The following PDIK1L variants were observed in gnomAD, a reference collection of about 807,000 sequenced individuals.
PDIK1L encodes the protein PDLIM1 interacting kinase 1 like, also known as serine/threonine-protein kinase PDIK1L.
In PDIK1L, 9 loss-of-function variants were observed where a neutral mutation model predicts 27.1. The ratio of observed to expected loss-of-function variants is 0.33; its 90% CI spans 0.20 to 0.58. The LOEUF (loss-of-function observed/expected upper bound fraction) is 0.58. Ranked by LOEUF, PDIK1L falls within the 20% of genes least tolerant of loss-of-function variation. PDIK1L has a pLI of 0.86. For missense variants in PDIK1L, 216 were observed against 413.2 expected, an observed-to-expected ratio of 0.52 and a Z score of 4.14; for synonymous variants, 130 against 141.7, an observed-to-expected ratio of 0.92 and a Z score of 0.59.
At chr1:26,111,643 C>G (rs999265639), upstream of PDIK1L, among the ~76,000 whole-genome samples, 5 of 151,526 alleles carry the variant, frequency 3.3e-5, no homozygotes, top group African/African-American at 1.2e-4. This position sits in a 1 kb window ranked among gnomAD's most constrained non-coding sequence, Gnocchi z 4.0. Flanking sequence ...GCGCGCACAC[C>G]TCCGACGACT....
intron 2 of PDIK1L, among the ~76,000 whole-genome samples, chr1:26,118,123 A>G (rs530182493): frequency 2.0e-5 from 3 of 152,236 alleles, no homozygotes; most frequent in Non-Finnish European, 2.9e-5. Context: ...ACTAAGAGGC[A>G]TGATCTATTT....
At position 26,123,296 on chromosome 1, in the gene PDIK1L, T is replaced by C. The variant is rs1449658761; in HGVS notation, c.*719T>C. 6.6e-6 allele frequency: 1 copy of C among 151,616 alleles called. No individual in the cohort carries two copies. The highest frequency in any genetic ancestry group is 1.5e-5 in the Non-Finnish European group (1 of 67,894). 9.4% of individuals were successfully genotyped at this position (151,616 alleles called of 1,614,324 possible). On this transcript the variant is annotated 3_prime_UTR_variant, in exon 3 of 3. Coordinates refer to ENST00000374269, the MANE Select transcript of PDIK1L (RefSeq NM_152835.5). ...CAAAGCTGCTGAAGTATGTTTGAAC[T>C]CTCCAGTGCCCTATAGCTGCAAGAG...
intron 2 of PDIK1L, among the ~76,000 whole-genome samples, chr1:26,120,127 G>A (rs116220552): frequency 1.2e-3 from 185 of 152,302 alleles, no homozygotes; most frequent in African/African-American, 4.4e-3. Flanking sequence ...GTATGGTTTC[G>A]ATGCTAAAAA....
chr1:26,120,001 C>T (rs2087950685), intron 2 of PDIK1L, among the ~76,000 whole-genome samples: 1 of 152,168 alleles, frequency 6.6e-6, no homozygotes. Context: ...ACAGGGAAGC[C>T]ATTGAAGGGC....
chr1:26,113,699 A>G (rs1181202781), intron 1 of PDIK1L, among the ~76,000 whole-genome samples: 2 of 152,172 alleles, frequency 1.3e-5, no homozygotes, highest in Non-Finnish European at 2.9e-5. Context: ...AGCATAAGCC[A>G]GGTGTTTGTA....
chr1:26,121,042 C>T (rs1377640165), intron 2 of PDIK1L, among the ~76,000 whole-genome samples: 2 of 150,896 alleles, frequency 1.3e-5, no homozygotes, highest in East Asian at 3.9e-4. Flanking sequence ...AGTAAAGGAG[C>T]GTTATAACTA....
intron 1 of PDIK1L, chr1:26,112,734 G>A (rs889041303): frequency 2.0e-5 from 3 of 152,252 alleles, no homozygotes; most frequent in African/African-American, 7.2e-5. Context: ...TAGACTTAAA[G>A]CAGTGGATCC....
Position 26,114,387 on chromosome 1 carries a change from A to G in PDIK1L, c.79A>G (p.Ile27Val), listed in dbSNP as rs779744593. 1 of 1,614,122 alleles carries G rather than the reference A, an allele frequency of 6.2e-7. No homozygotes were observed. Among genetic ancestry groups the G allele is most frequent in the Non-Finnish European group, 8.5e-7 (1 of 1,180,016 alleles). The change falls in exon 2 of 3, where the codon ATC becomes GTC. Residue 27 changes from isoleucine to valine, a missense_variant. Ile to Val is a conservative substitution (Grantham distance 29, BLOSUM62 3). Transcript: ENST00000374269. The surrounding 1 kb of genome is among the most constrained non-coding windows in gnomAD (Gnocchi z 4.8). ...GSYGVVYEAV[I>V]RKTSARVAVK... ...TTACGGTGTTGTGTATGAAGCAGTCATCAGAAAGACCTCTGCACGGGTGGC... is the reference window on the plus strand; with the variant it reads ...TTACGGTGTTGTGTATGAAGCAGTCGTCAGAAAGACCTCTGCACGGGTGGC...
At chr1:26,120,117 G>A (rs752136389) in intron 2 of PDIK1L, among the ~76,000 whole-genome samples, 2 of 152,158 alleles carry the variant, frequency 1.3e-5, no homozygotes, top group African/African-American at 4.8e-5. Flanking sequence ...GCCTGTTTTC[G>A]TATGGTTTCG....
In PDIK1L at chr1:26,122,278, C is replaced by A; in HGVS notation, c.727C>A (p.Leu243Met). ...CACAGCAAAAGCTGACATCTTTGCT[C>A]TGGGGATTATCATCTGGGCAATGCT... ...HYTAKADIFALGIIIWAMLER... is the reference protein window; with the variant it reads ...HYTAKADIFAMGIIIWAMLER... Residue 243 changes from leucine (L) to methionine (M), a missense_variant, in exon 3 of 3, where the codon CTG becomes ATG. By Grantham distance (15) the Leu-to-Met change is conservative (BLOSUM62 2). Transcript: ENST00000374269. The surrounding 1 kb of genome is among the most constrained non-coding windows in gnomAD (Gnocchi z 5.4). 1 of 1,614,134 alleles carries A rather than the reference C, an allele frequency of 6.2e-7. No homozygotes were observed. Among genetic ancestry groups the A allele is most frequent in the South Asian group, 1.1e-5 (1 of 91,048 alleles).
At chr1:26,120,950 C>CA (rs11316360) in intron 2 of PDIK1L, among the ~76,000 whole-genome samples, 387 of 96,234 alleles carry the variant, frequency 4.0e-3, no homozygotes, top group African/African-American at 0.012. Flanking sequence ...GACTCCGTCT[C>CA]AAAAAAAAAA....
chr1:26,117,949 C>T (rs1032239053), intron 2 of PDIK1L, among the ~76,000 whole-genome samples: 2 of 151,312 alleles, frequency 1.3e-5, no homozygotes, highest in African/African-American at 4.9e-5. Flanking sequence ...GGTCCCATCT[C>T]CTTGGAAGGC....
intron 2 of PDIK1L, among the ~76,000 whole-genome samples, chr1:26,115,949 C>G (rs2087869198): frequency 6.6e-6 from 1 of 151,988 alleles, no homozygotes. Flanking sequence ...GCCTGTAATC[C>G]CAGCACTTTG....
Position 26,122,584 on chromosome 1 carries a change from TTA to T in PDIK1L, c.*9_*10del, listed in dbSNP as rs1463716620. 1 of 1,594,376 alleles carries T rather than the reference TTA, an allele frequency of 6.3e-7. No homozygotes were observed. On this transcript the variant is annotated 3_prime_UTR_variant, in exon 3 of 3. Transcript: ENST00000374269. This position sits in a 1 kb window ranked among gnomAD's most constrained non-coding sequence, Gnocchi z 5.4. Reference sequence around the variant, plus strand: ...TAGCAGCTGGGAAACGTGACACATATTATTTGCAAATACCATGGATGATATGC... The same window carrying T: ...TAGCAGCTGGGAAACGTGACACATATTTTGCAAATACCATGGATGATATGC...
At chr1:26,115,693 T>G (rs2087863937) in intron 2 of PDIK1L, among the ~76,000 whole-genome samples, 2 of 151,340 alleles carry the variant, frequency 1.3e-5, no homozygotes, top group South Asian at 4.2e-4. Flanking sequence ...TCCCAGCTAC[T>G]GGGGAGGCTG....
intron 2 of PDIK1L, among the ~76,000 whole-genome samples, chr1:26,121,463 C>T (rs1203421771): frequency 1.3e-5 from 2 of 152,168 alleles, no homozygotes; most frequent in Non-Finnish European, 2.9e-5. Context: ...GTTTATACCC[C>T]AGCTGGCAAT....
chr1:26,119,573 AAAG>A (rs2087941758), intron 2 of PDIK1L, among the ~76,000 whole-genome samples: 1 of 151,408 alleles, frequency 6.6e-6, no homozygotes, highest in Non-Finnish European at 1.5e-5. Flanking sequence ...TTAAAAATTG[AAAG>A]AAGAGGCTGG....
intron 2 of PDIK1L, among the ~76,000 whole-genome samples, chr1:26,120,438 A>G (rs2087959907): frequency 1.3e-5 from 2 of 152,244 alleles, no homozygotes; most frequent in South Asian, 4.1e-4. Context: ...AGGAAAACTC[A>G]TGCAAAAGAG....
rs1328567998 is a variant in PDIK1L, at chr1:26,125,541, A to AAC, written c.*2965_*2966insCA. 1.3e-5 allele frequency: 2 copies of AAC among 152,536 alleles called. No homozygotes were observed. Among genetic ancestry groups the AAC allele is most frequent in the Non-Finnish European group, 2.9e-5 (2 of 67,988 alleles). The allele number at this position is 152,536 out of a possible 1,614,324, so 9.4% of individuals were successfully genotyped here. A position where few individuals can be genotyped will look rare whatever the true frequency, so the allele number is the denominator to read the frequency against. ...AATAAAGTGAGTTTCAACAAAAAAA[A>AAC]AACTGAAAATTCTACATTGCTGCTT... On this transcript the variant is annotated 3_prime_UTR_variant, in exon 3 of 3. Coordinates refer to ENST00000374269, the MANE Select transcript of PDIK1L (RefSeq NM_152835.5).
Sources: gnomAD v4.1 joint callset for allele counts (sites outside exome capture counted in the v4.1 genomes callset) on GRCh38, gnomAD v4.1.1 for gene constraint, Gnocchi (gnomAD v3.1) non-coding constraint, MANE v1.5 for transcripts, NCBI Gene and HGNC (gene_info 2026-07-23, HGNC 2026-07-21) for gene names.